VRK1: variants seen among roughly 807,000 people sequenced by gnomAD.
VRK1 encodes VRK serine/threonine kinase 1, also known as serine/threonine-protein kinase VRK1.
In VRK1, 33 loss-of-function variants were observed where a neutral mutation model predicts 57.1. The ratio of observed to expected loss-of-function variants is 0.58; its 90% CI spans 0.44 to 0.77. The LOEUF is 0.77. Among genes scored for constraint, VRK1 ranks in the 30% least tolerant of loss-of-function variants. The probability of loss-of-function intolerance (pLI) is 0.00; values close to 1 mark genes in which losing one functional copy is unlikely to be tolerated. For missense variants in VRK1, 413 were observed against 477.3 expected, an observed-to-expected ratio of 0.87 and a Z score of 1.25; for synonymous variants, 137 against 147.8, an observed-to-expected ratio of 0.93 and a Z score of 0.53.
intron 1 of VRK1, among the ~76,000 whole-genome samples, chr14:96,798,789 A>G (rs2139671784): frequency 6.6e-6 from 1 of 152,306 alleles, no homozygotes; most frequent in South Asian, 2.1e-4. Context: ...TATGTAGGTT[A>G]CGTTTATGTT....
Position 96,881,350 on chromosome 14 carries a change from CT to C in VRK1, c.*149del. On this transcript the variant is annotated 3_prime_UTR_variant, in exon 13 of 13. Transcript: ENST00000216639. Reference sequence around the variant, plus strand: ...TACTCATGTGTTCAGAAAACATAAACTTTTTTTATAAAAATATTTTGTACAA... The same window carrying C: ...TACTCATGTGTTCAGAAAACATAAACTTTTTTATAAAAATATTTTGTACAA... The C allele has an allele frequency of 2.8e-6, 2 of 724,542 alleles. No homozygotes were observed. The highest frequency in any genetic ancestry group is 2.0e-5 in the South Asian group (1 of 49,630). The allele number at this position is 724,542 out of a possible 1,614,324, so 44.9% of individuals were successfully genotyped here. A position where few individuals can be genotyped will look rare whatever the true frequency, so the allele number is the denominator to read the frequency against.
At chr14:96,866,162 G>A (rs1216903642) in intron 11 of VRK1, among the ~76,000 whole-genome samples, 1 of 151,954 alleles carries the variant, frequency 6.6e-6, no homozygotes, top group East Asian at 1.9e-4. Flanking sequence ...AGCTTTATGT[G>A]AATTTACTAG....
chr14:96,829,180 A>T (rs1037185344), intron 1 of VRK1, among the ~76,000 whole-genome samples: 1 of 151,112 alleles, frequency 6.6e-6, no homozygotes. Context: ...TAAAGTACAG[A>T]TTTTGCTTAG....
intron 1 of VRK1, among the ~76,000 whole-genome samples, chr14:96,808,472 G>A (rs1366060381): frequency 6.6e-6 from 1 of 152,106 alleles, no homozygotes; most frequent in East Asian, 1.9e-4. Context: ...TTTACAAAGT[G>A]AACACCCTGT....
chr14:96,856,336 C>G, intron 9 of VRK1, 86 bp downstream of exon 9: 2 of 1,501,174 alleles, frequency 1.3e-6, no homozygotes, highest in Non-Finnish European at 1.8e-6. Flanking sequence ...ACTATAGTTT[C>G]AACTGATACT....
At chr14:96,851,618 C>G (rs1887953713) in intron 5 of VRK1, among the ~76,000 whole-genome samples, 1 of 152,130 alleles carries the variant, frequency 6.6e-6, no homozygotes, top group Admixed American at 6.5e-5. Flanking sequence ...TCAACTCTTC[C>G]TTCCCTATTG....
intron 11 of VRK1, among the ~76,000 whole-genome samples, chr14:96,872,753 T>A (rs1888873084): frequency 6.6e-6 from 1 of 152,232 alleles, no homozygotes; most frequent in African/African-American, 2.4e-5. Flanking sequence ...TCTATTAGTT[T>A]CATAAATATT....
chr14:96,881,089 A>G lies in VRK1; in HGVS notation c.1160-88A>G, dbSNP rs570400992. The G allele has an allele frequency of 1.1e-4, 125 of 1,123,624 alleles. 2 individuals carry two copies. Among genetic ancestry groups the G allele is most frequent in the East Asian group, 8.2e-4 (32 of 38,948 alleles). 69.6% of individuals were successfully genotyped at this position (1,123,624 alleles called of 1,614,324 possible). On this transcript the variant is annotated intron_variant, in intron 12 of 12. Coordinates refer to ENST00000216639, the MANE Select transcript of VRK1 (RefSeq NM_003384.3). ...GTCGATTTGATTTTAAAATGTTAAT[A>G]ACTATATTTAGGGATATTTATATTT...
At chr14:96,876,608 A>G (rs1183704200) in intron 12 of VRK1, among the ~76,000 whole-genome samples, 1 of 152,212 alleles carries the variant, frequency 6.6e-6, no homozygotes, top group African/African-American at 2.4e-5. Context: ...CACTGATCCC[A>G]CATAACTCTG....
chr14:96,842,497 A>G (rs1333697352), intron 3 of VRK1, among the ~76,000 whole-genome samples: 1 of 152,214 alleles, frequency 6.6e-6, no homozygotes, highest in Non-Finnish European at 1.5e-5. Context: ...AAAGTTCTAT[A>G]TATAGTATGA....
At chr14:96,826,145 A>G (rs1886793007) in intron 1 of VRK1, among the ~76,000 whole-genome samples, 1 of 152,232 alleles carries the variant, frequency 6.6e-6, no homozygotes, top group Admixed American at 6.5e-5. Flanking sequence ...GAAATTTTTA[A>G]AAATCTATTC....
chr14:96,869,713 C>T (rs755043426), intron 11 of VRK1, among the ~76,000 whole-genome samples: 1 of 151,678 alleles, frequency 6.6e-6, no homozygotes, highest in South Asian at 2.1e-4. Context: ...ATAATTGATA[C>T]GAGAAGATAA....
chr14:96,811,316 T>G (rs1469024420), intron 1 of VRK1, among the ~76,000 whole-genome samples: 2 of 152,178 alleles, frequency 1.3e-5, no homozygotes, highest in Admixed American at 1.3e-4. Context: ...CCAATTCCAT[T>G]AACAAAAAAA....
intron 12 of VRK1, among the ~76,000 whole-genome samples, chr14:96,879,926 CA>C (rs545516768): frequency 3.4e-4 from 48 of 139,824 alleles, no homozygotes; most frequent in African/African-American, 4.8e-4. Flanking sequence ...GACTCCCTCT[CA>C]AAAAAAAAAA....
At chr14:96,871,062 C>T (rs1888802542) in intron 11 of VRK1, among the ~76,000 whole-genome samples, 1 of 152,086 alleles carries the variant, frequency 6.6e-6, no homozygotes, top group Non-Finnish European at 1.5e-5. Context: ...ACCATTGTAT[C>T]AGTATTTTTT....
intron 1 of VRK1, among the ~76,000 whole-genome samples, chr14:96,808,360 A>C (rs1170944599): frequency 6.6e-6 from 1 of 152,130 alleles, no homozygotes; most frequent in Admixed American, 6.5e-5. Flanking sequence ...TTTCTCCCTC[A>C]TACCCTTGCC....
intron 1 of VRK1, among the ~76,000 whole-genome samples, chr14:96,830,776 A>G (rs1013557226): frequency 3.1e-4 from 47 of 152,182 alleles, no homozygotes; most frequent in African/African-American, 1.1e-3. Context: ...GGGTGAGTGT[A>G]TGTCATTCTC....
In VRK1 at chr14:96,847,324, A is replaced by G; in HGVS notation, c.354A>G (p.Leu118=). The part of the protein sequence containing the change: ...LGVPKYWGSG[L]HDKNGKSYRF... ...TTCCTAAGTATTGGGGGTCTGGTCTACATGACAAAAATGGAAAAAGGTAAA... is the reference window on the plus strand; with the variant it reads ...TTCCTAAGTATTGGGGGTCTGGTCTGCATGACAAAAATGGAAAAAGGTAAA... Residue 118 remains leucine, a synonymous_variant, in exon 5 of 13, where the codon CTA becomes CTG. Coordinates refer to ENST00000216639, the MANE Select transcript of VRK1 (RefSeq NM_003384.3). The G allele has an allele frequency of 6.2e-7, 1 of 1,613,736 alleles. No individual in the cohort carries two copies.
At chr14:96,844,627 C>T (rs919918144) in intron 3 of VRK1, among the ~76,000 whole-genome samples, 13 of 152,228 alleles carry the variant, frequency 8.5e-5, no homozygotes, top group African/African-American at 2.6e-4. Context: ...CTGCAGCCTC[C>T]GCCTCCTGGG....
Sources: allele counts gnomAD v4.1 joint callset (sites outside exome capture counted in the v4.1 genomes callset), GRCh38; gene constraint gnomAD v4.1.1; transcripts MANE v1.5; gene names NCBI Gene and HGNC (gene_info 2026-07-23, HGNC 2026-07-21).